The following INVS variants were observed in gnomAD, a reference collection of about 807,000 sequenced individuals.
The protein encoded by INVS is inversion of embryo turning homolog.
INVS carries 86 observed loss-of-function variants against 108.8 expected under a neutral mutation model. The ratio of observed to expected loss-of-function variants is 0.79; its 90% CI spans 0.66 to 0.95. The LOEUF (loss-of-function observed/expected upper bound fraction) is 0.95, where lower values mean the gene tolerates loss of function less well. Ranked by LOEUF, INVS falls within the 40% of genes least tolerant of loss-of-function variation. INVS has a pLI of 0.00. For synonymous variants in INVS, 455 were observed against 473.5 expected (o/e 0.96, Z 0.51); for missense variants, 1,169 against 1,297.4 (o/e 0.90, Z 1.52).
rs528777602 is a variant in INVS at position 100,175,307 on chromosome 9, G to A, written c.273+48758G>A. 8.0e-5 allele frequency: 57 copies of A among 711,328 alleles called. No individual in the cohort carries two copies. The African/African-American group carries it at 9.3e-4, about 12-fold the overall frequency. The allele number at this position is 711,328 out of a possible 1,614,324, so 44.1% of individuals were successfully genotyped here. ...TCCATCCTTGCATATATCTTCTGCT[G>A]AGATGCCTCACACAGAGTCTGGACA... On this transcript the variant is annotated intron_variant, in intron 3 of 16. Transcript: ENST00000262457.
At chr9:100,289,061 G>T (rs577901962) in intron 13 of INVS, among the ~76,000 whole-genome samples, 9 of 152,194 alleles carry the variant, frequency 5.9e-5, no homozygotes, top group African/African-American at 1.9e-4. Flanking sequence ...GCTTACAAAC[G>T]GAGCAGTTTT....
At position 100,185,516 on chromosome 9, in the gene INVS, AATATATAT is replaced by A. The variant is rs35603398; in HGVS notation, c.274-40511_274-40504del. 3.5e-3 allele frequency among the ~76,000 whole-genome samples: 384 copies of A among 110,820 alleles called. 4 individuals carry two copies. Among genetic ancestry groups the A allele is most frequent in the African/African-American group, 9.2e-3 (286 of 31,112 alleles). 72.7% of individuals were successfully genotyped at this position (110,820 alleles called of 152,430 possible). A position where few individuals can be genotyped will look rare whatever the true frequency, so the allele number is the denominator to read the frequency against. ...ACACTTCATTTTGTATATGCATAGA[AATATATAT>A]ATATATATATATATATATATATATA... On this transcript the variant is annotated intron_variant, in intron 3 of 16. Coordinates refer to ENST00000262457, the MANE Select transcript of INVS (RefSeq NM_014425.5).
intron 3 of INVS, among the ~76,000 whole-genome samples, chr9:100,173,644 G>A (rs536361654): frequency 2.4e-4 from 36 of 152,232 alleles, no homozygotes; most frequent in African/African-American, 8.2e-4. Flanking sequence ...CAGGAGAATC[G>A]CTTGAACCCG....
chr9:100,122,864 G>T (rs846757), intron 2 of INVS, among the ~76,000 whole-genome samples: 1 of 152,022 alleles, frequency 6.6e-6, no homozygotes, highest in South Asian at 2.1e-4. Context: ...GATTACAGGC[G>T]TGAGCCACTG....
intron 3 of INVS, among the ~76,000 whole-genome samples, chr9:100,177,652 T>A (rs972209454): frequency 6.6e-6 from 1 of 152,170 alleles, no homozygotes; most frequent in Non-Finnish European, 1.5e-5. Context: ...AAAACTCCCA[T>A]CTGCCTGGGA....
intron 12 of INVS, among the ~76,000 whole-genome samples, chr9:100,275,644 G>C (rs1281312321): frequency 6.6e-6 from 1 of 152,178 alleles, no homozygotes; most frequent in South Asian, 2.1e-4. Flanking sequence ...TGTCACCTCG[G>C]TGTACCTTTC....
At chr9:100,294,267 A>C (rs986317799) in intron 14 of INVS, among the ~76,000 whole-genome samples, 18 of 152,180 alleles carry the variant, frequency 1.2e-4, no homozygotes, top group African/African-American at 4.3e-4. Flanking sequence ...GCACAGGTGT[A>C]TGAGATATCG....
chr9:100,171,620 T>C (rs776474786), intron 3 of INVS, among the ~76,000 whole-genome samples: 3 of 152,158 alleles, frequency 2.0e-5, no homozygotes, highest in Non-Finnish European at 4.4e-5. Flanking sequence ...AATTTGAATA[T>C]TTACTGAAGA....
rs954471733 is a variant in INVS, at chr9:100,104,396, T to C, written c.-24-102T>C. The C allele has an allele frequency of 6.6e-5, 47 of 715,508 alleles. No individual in the cohort carries two copies. In the East Asian group the frequency reaches 1.2e-3, roughly 18 times the overall value. 44.3% of individuals were successfully genotyped at this position (715,508 alleles called of 1,614,324 possible). On this transcript the variant is annotated intron_variant, in intron 1 of 16. Transcript: ENST00000262457. Reference sequence around the variant, plus strand: ...ATAGATTTTTCTAATCCTAGTCAAGTATTTCTAGTAAGCCATATTTATAAA... The same window carrying C: ...ATAGATTTTTCTAATCCTAGTCAAGCATTTCTAGTAAGCCATATTTATAAA...
intron 3 of INVS, among the ~76,000 whole-genome samples, chr9:100,197,518 C>G (rs1031218557): frequency 6.6e-6 from 1 of 152,142 alleles, no homozygotes; most frequent in Non-Finnish European, 1.5e-5. Flanking sequence ...GGTGCACCAC[C>G]CTCCCAGCAT....
chr9:100,188,889 G>A (rs1830135950), intron 3 of INVS, among the ~76,000 whole-genome samples: 1 of 151,658 alleles, frequency 6.6e-6, no homozygotes, highest in African/African-American at 2.4e-5. Context: ...TTATTGGTTT[G>A]TTCAGGATTT....
At chr9:100,279,540 T>C (rs548796957) in intron 12 of INVS, among the ~76,000 whole-genome samples, 13 of 152,324 alleles carry the variant, frequency 8.5e-5, no homozygotes, top group Non-Finnish European at 1.8e-4. Flanking sequence ...CTCTTCCTAT[T>C]ACCCTCAAAA....
Position 100,302,152 on chromosome 9 carries a change from G to A in INVS, c.*1478G>A, listed in dbSNP as rs1345107959. The stretch of plus-strand genomic sequence containing the variant: ...GTCTTTTTCTTCAAATAAGATAGAT[G>A]TGAATAAACAACTTCAAACAGGAGG... On this transcript the variant is annotated 3_prime_UTR_variant, in exon 17 of 17. Transcript: ENST00000262457. 4 of 1,223,606 alleles carry A rather than the reference G, an allele frequency of 3.3e-6. No homozygotes were observed. The highest frequency in any genetic ancestry group is 4.6e-6 in the Non-Finnish European group (4 of 871,550). The allele number at this position is 1,223,606 out of a possible 1,614,324, so 75.8% of individuals were successfully genotyped here.
chr9:100,157,567 G>A (rs1829040231), intron 3 of INVS, among the ~76,000 whole-genome samples: 1 of 152,022 alleles, frequency 6.6e-6, no homozygotes, highest in South Asian at 2.1e-4. Context: ...GCCCGGCCAA[G>A]AAATAGCAGA....
chr9:100,114,671 G>A (rs1827453644), intron 2 of INVS, among the ~76,000 whole-genome samples: 1 of 152,150 alleles, frequency 6.6e-6, no homozygotes, highest in African/African-American at 2.4e-5. Flanking sequence ...CTCCCAAAGT[G>A]CTGGGATTAT....
intron 2 of INVS, among the ~76,000 whole-genome samples, chr9:100,119,631 C>T (rs940590475): frequency 6.6e-6 from 1 of 152,240 alleles, no homozygotes; most frequent in East Asian, 1.9e-4. Context: ...ATCTCAGCTT[C>T]ACTGCAAGCT....
At chr9:100,261,536 G>A (rs1220875850) in intron 10 of INVS, among the ~76,000 whole-genome samples, 1 of 152,016 alleles carries the variant, frequency 6.6e-6, no homozygotes, top group Non-Finnish European at 1.5e-5. Context: ...CAAAGTGCTG[G>A]GATTACAGGC....
chr9:100,100,707 A>ATATATATATTATATGTATATAT (rs1826844941), intron 1 of INVS, among the ~76,000 whole-genome samples: 1 of 31,150 alleles, frequency 3.2e-5, no homozygotes, highest in Non-Finnish European at 4.9e-5. Flanking sequence ...TGTACATATA[A>ATATATATATTATATGTATATAT]TATATATATT....
At chr9:100,296,158 C>T (rs1833785546) in intron 14 of INVS, among the ~76,000 whole-genome samples, 1 of 152,172 alleles carries the variant, frequency 6.6e-6, no homozygotes, top group East Asian at 1.9e-4. Context: ...CTCTCTGCAG[C>T]TACCTATAGG....
Sources: gnomAD v4.1 joint callset for allele counts (sites outside exome capture counted in the v4.1 genomes callset) on GRCh38, gnomAD v4.1.1 for gene constraint, MANE v1.5 for transcripts, NCBI Gene and HGNC (gene_info 2026-07-23, HGNC 2026-07-21) for gene names.